The following TM2D3 variants were observed in gnomAD, a reference collection of about 807,000 sequenced individuals.
TM2D3 encodes TM2 domain containing 3, also known as TM2 domain-containing protein 3.
In TM2D3, 33 loss-of-function variants were observed where a neutral mutation model predicts 27.3. The ratio of observed to expected loss-of-function variants is 1.21; its 90% CI spans 0.92 to 1.61. The LOEUF is 1.61. Ranked by LOEUF, TM2D3 falls within the 40% of genes most tolerant of loss-of-function variation. The probability of loss-of-function intolerance (pLI) is 0.00; values close to 1 mark genes in which losing one functional copy is unlikely to be tolerated. For missense variants in TM2D3, 364 were observed against 320.8 expected (o/e 1.13, Z -1.03); for synonymous variants, 138 against 122.2 (o/e 1.13, Z -0.85).
At chr15:101,645,012 G>T in intron 5 of TM2D3, 75 bp downstream of exon 5, 1 of 1,276,930 alleles carries the variant, frequency 7.8e-7, no homozygotes, top group Non-Finnish European at 1.1e-6. Context: ...AGGGGACTGA[G>T]CTCAATGTCT....
chr15:101,633,104 GA>G (rs1402074912), exon 5 of TM2D3: 4 of 152,170 alleles, frequency 2.6e-5, no homozygotes, highest in Non-Finnish European at 5.9e-5. Flanking sequence ...GTGAAATAAA[GA>G]TATTCTCAGA....
At chr15:101,643,604 A>T (rs1218106902) in intron 5 of TM2D3, among the ~76,000 whole-genome samples, 10 of 129,122 alleles carry the variant, frequency 7.7e-5, no homozygotes, top group African/African-American at 2.8e-4. Context: ...TCCGTTAAAA[A>T]AAAAAAAAAA....
rs896486451 is a variant in TM2D3, at chr15:101,651,563, C to T, written c.169+133G>A. ...AATGGCTGTGTATCTACCCTTAATT[C>T]ACATAATCTAAAATACAATAAATAT... On this transcript the variant is annotated intron_variant, in intron 2 of 5. Coordinates refer to ENST00000333202, the MANE Select transcript of TM2D3 (RefSeq NM_078474.3). The T allele has an allele frequency of 4.6e-5, 41 of 899,136 alleles. No individual in the cohort carries two copies. The African/African-American group carries it at 6.6e-4, about 14-fold the overall frequency. The allele number at this position is 899,136 out of a possible 1,614,324, so 55.7% of individuals were successfully genotyped here.
At chr15:101,638,859 C>A (rs1166205851), downstream of TM2D3, among the ~76,000 whole-genome samples, 1 of 152,104 alleles carries the variant, frequency 6.6e-6, no homozygotes, top group Admixed American at 6.6e-5. Flanking sequence ...TGCACTCTAC[C>A]ACTTTAAAAA....
intron 4 of TM2D3, chr15:101,634,400 C>T (rs139960425): frequency 1.3e-5 from 2 of 152,284 alleles, no homozygotes; most frequent in African/African-American, 4.8e-5. Context: ...CAGCACTGCA[C>T]TCCAGCCTGG....
intron 2 of TM2D3, 151 bp downstream of exon 2, chr15:101,651,545 G>A (rs1896968407): frequency 1.3e-6 from 1 of 743,204 alleles, no homozygotes; most frequent in Admixed American, 2.8e-5. Context: ...GAAAATGGCT[G>A]TGTATCTACC....
chr15:101,642,205 T>C lies in TM2D3; in HGVS notation c.*274A>G, dbSNP rs1596262268. Reference sequence around the variant, plus strand: ...CTTGGGCAATACAAAACAAAAGTCATAGGAATTAAATGGATTTTCAATCAC... The same window carrying C: ...CTTGGGCAATACAAAACAAAAGTCACAGGAATTAAATGGATTTTCAATCAC... On this transcript the variant is annotated 3_prime_UTR_variant, in exon 6 of 6. Transcript: ENST00000333202. The C allele has an allele frequency of 1.8e-6, 2 of 1,103,464 alleles. No homozygotes were observed. The highest frequency in any genetic ancestry group is 5.3e-5 in the East Asian group (1 of 19,010). The allele number at this position is 1,103,464 out of a possible 1,614,324, so 68.4% of individuals were successfully genotyped here. A position where few individuals can be genotyped will look rare whatever the true frequency, so the allele number is the denominator to read the frequency against.
Position 101,642,332 on chromosome 15 carries a change from GTTTCA to G in TM2D3, c.*142_*146del, listed in dbSNP as rs1010821057. The G allele has an allele frequency of 6.0e-6, 8 of 1,329,886 alleles. No individual in the cohort carries two copies. In the African/African-American group the frequency reaches 1.0e-4, roughly 17 times the overall value. 82.4% of individuals were successfully genotyped at this position (1,329,886 alleles called of 1,614,324 possible). A position where few individuals can be genotyped will look rare whatever the true frequency, so the allele number is the denominator to read the frequency against. ...AAATTCCAGATTAGCATAGTTCAGC[GTTTCA>G]TTTATCTTACCTTTATCAAGGCAAA... On this transcript the variant is annotated 3_prime_UTR_variant, in exon 6 of 6. Coordinates refer to ENST00000333202, the MANE Select transcript of TM2D3 (RefSeq NM_078474.3).
At chr15:101,652,195 G>C in intron 1 of TM2D3, 76 bp downstream of exon 1, 1 of 1,351,590 alleles carries the variant, frequency 7.4e-7, no homozygotes, top group Non-Finnish European at 1.0e-6. Flanking sequence ...CCGCCCGTGG[G>C]CCCGGCCTCC....
At position 101,652,260 on chromosome 15, in the gene TM2D3, C is replaced by T. The variant is rs1054576118; in HGVS notation, c.91+11G>A. The T allele has an allele frequency of 1.9e-6, 3 of 1,604,110 alleles. No homozygotes were observed. In the African/African-American group the frequency reaches 4.1e-5, roughly 22 times the overall value. Reference sequence around the variant, plus strand: ...AGCCCCACCCGGCGCTGAACCCAGCCTTTGACTCACCACCGCCCGACAGAA... The same window carrying T: ...AGCCCCACCCGGCGCTGAACCCAGCTTTTGACTCACCACCGCCCGACAGAA... On this transcript the variant is annotated intron_variant, in intron 1 of 5. Coordinates refer to ENST00000333202, the MANE Select transcript of TM2D3 (RefSeq NM_078474.3).
chr15:101,636,832 T>C (rs1896560717), intron 4 of TM2D3: 1 of 360,664 alleles, frequency 2.8e-6, no homozygotes, highest in African/African-American at 2.2e-5. Flanking sequence ...CAATACTTGT[T>C]ATTGTGTTTT....
At chr15:101,633,942 G>A in intron 4 of TM2D3, 1 of 441,716 alleles carries the variant, frequency 2.3e-6, no homozygotes, top group Non-Finnish European at 4.0e-6. Context: ...TCATGAAAAT[G>A]CCTCACTGAG....
chr15:101,639,843 C>T (rs572237700), downstream of TM2D3, among the ~76,000 whole-genome samples: 5 of 152,264 alleles, frequency 3.3e-5, no homozygotes, highest in African/African-American at 4.8e-5. Flanking sequence ...TGAGGACACC[C>T]GTGGCATTAA....
Position 101,642,529 on chromosome 15 carries a change from G to C in TM2D3, c.694C>G (p.Leu232Val). The change falls in exon 6 of 6, where the codon CTC becomes GTC. Residue 232 changes from leucine to valine, a missense_variant. Coordinates refer to ENST00000333202, the MANE Select transcript of TM2D3 (RefSeq NM_078474.3). ...LGIWTLIDVL[L>V]IGVGYVGPAD... ...GGTCCAACATAGCCAACTCCAATGA[G>C]CAGGACGTCTATCAGCGTCCATATT... The C allele has an allele frequency of 6.2e-7, 1 of 1,613,496 alleles. No individual in the cohort carries two copies. Among genetic ancestry groups the C allele is most frequent in the South Asian group, 1.1e-5 (1 of 90,972 alleles).
At chr15:101,650,767 A>T (rs1184731433) in intron 2 of TM2D3, 1 of 152,254 alleles carries the variant, frequency 6.6e-6, no homozygotes, top group Non-Finnish European at 1.5e-5. Flanking sequence ...CATCTTCAGT[A>T]AGCTGCAACT....
rs1896692695 is a variant in TM2D3, at chr15:101,642,479, C to A, written c.744G>T (p.Ter248TyrextTer21). ...CTCCTTTCTGAAGCACACACCACAG[C>A]TAAATGTACAAAGAGCCATCTGCTG... Reference protein sequence around the residue: ...VGPADGSLYI* With the variant: ...VGPADGSLYIY Residue 248 changes from the stop codon to tyrosine (Y), a stop_lost, in exon 6 of 6, where the codon TAG becomes TAT. Coordinates refer to ENST00000333202, the MANE Select transcript of TM2D3 (RefSeq NM_078474.3). 1 of 1,608,578 alleles carries A rather than the reference C, an allele frequency of 6.2e-7. No homozygotes were observed. The highest frequency in any genetic ancestry group is 8.5e-7 in the Non-Finnish European group (1 of 1,177,090).
At chr15:101,643,909 G>C (rs1248484806) in intron 5 of TM2D3, among the ~76,000 whole-genome samples, 1 of 152,018 alleles carries the variant, frequency 6.6e-6, no homozygotes, top group Non-Finnish European at 1.5e-5. Flanking sequence ...GAGTGCAGTG[G>C]TGCAATGCCA....
At chr15:101,642,685 A>AC in intron 5 of TM2D3, 41 bp from the exon 6 acceptor site, 1 of 1,522,868 alleles carries the variant, frequency 6.6e-7, no homozygotes, top group South Asian at 1.2e-5. Context: ...GACCACCTCC[A>AC]CCCCAGCTGT....
downstream of TM2D3, among the ~76,000 whole-genome samples, chr15:101,638,298 CT>C (rs572960993): frequency 7.9e-3 from 1,138 of 144,834 alleles, 11 homozygotes; most frequent in African/African-American, 0.022. Context: ...ACCCCCCCAC[CT>C]TTTTTTTTTT....
Sources: allele counts gnomAD v4.1 joint callset (sites outside exome capture counted in the v4.1 genomes callset), GRCh38; gene constraint gnomAD v4.1.1; transcripts MANE v1.5; gene names NCBI Gene and HGNC (gene_info 2026-07-23, HGNC 2026-07-21).